NPAS2: variants seen among roughly 807,000 people sequenced by gnomAD.
The protein encoded by NPAS2 is neuronal PAS domain-containing protein 2.
NPAS2 carries 23 observed loss-of-function variants against 107.5 expected under a neutral mutation model. The observed-to-expected ratio is 0.21, with a 90% CI of 0.15 to 0.30. NPAS2 has a LOEUF of 0.30. Ranked by LOEUF, NPAS2 falls within the 10% of genes least tolerant of loss-of-function variation. The pLI is 1.00. For synonymous variants in NPAS2, 403 were observed against 417.5 expected, an observed-to-expected ratio of 0.97 and a Z score of 0.42; for missense variants, 756 against 1,043.3, an observed-to-expected ratio of 0.72 and a Z score of 3.79.
Position 100,904,797 on chromosome 2 carries a change from G to A in NPAS2, c.32+11G>A. On this transcript the variant is annotated intron_variant, in intron 2 of 20. Coordinates refer to ENST00000335681, the MANE Select transcript of NPAS2 (RefSeq NM_002518.4). ...AGACAGAGCCAAGAGGTAAGATGCAGCTGTCCCCCTGCTCAGCAGAGCTCT... is the reference window on the plus strand; with the variant it reads ...AGACAGAGCCAAGAGGTAAGATGCAACTGTCCCCCTGCTCAGCAGAGCTCT... 6.3e-7 allele frequency: 1 copy of A among 1,599,430 alleles called. No individual in the cohort carries two copies. Among genetic ancestry groups the A allele is most frequent in the South Asian group, 1.1e-5 (1 of 89,460 alleles).
intron 7 of NPAS2, among the ~76,000 whole-genome samples, chr2:100,953,468 T>G (rs1337924197): frequency 2.0e-5 from 3 of 150,884 alleles, no homozygotes; most frequent in Non-Finnish European, 4.4e-5. Context: ...AGAACTCAAA[T>G]TTGACTTCAT....
chr2:100,864,568 G>C (rs1679141831), intron 1 of NPAS2, among the ~76,000 whole-genome samples: 1 of 152,160 alleles, frequency 6.6e-6, no homozygotes, highest in South Asian at 2.1e-4. Context: ...AGGCACCAAG[G>C]AACATGGCAT....
At chr2:100,967,063 A>T (rs995122904) in intron 10 of NPAS2, among the ~76,000 whole-genome samples, 15 of 143,886 alleles carry the variant, frequency 1.0e-4, no homozygotes, top group African/African-American at 3.4e-4. Flanking sequence ...CACTTGTAGA[A>T]TCAGGCCTAC....
chr2:100,947,235 A>G (rs1365425735), intron 5 of NPAS2, among the ~76,000 whole-genome samples: 2 of 152,206 alleles, frequency 1.3e-5, no homozygotes, highest in Non-Finnish European at 2.9e-5. Flanking sequence ...CACTAGCTAC[A>G]TGTGGCTGTT....
At chr2:100,900,101 A>G (rs574883959) in intron 1 of NPAS2, among the ~76,000 whole-genome samples, 1 of 152,354 alleles carries the variant, frequency 6.6e-6, no homozygotes, top group East Asian at 1.9e-4. Flanking sequence ...TTGATAAATT[A>G]GACTTTATCA....
At chr2:100,973,675 C>T (rs561391596) in intron 12 of NPAS2, among the ~76,000 whole-genome samples, 118 of 152,298 alleles carry the variant, frequency 7.7e-4, no homozygotes, top group African/African-American at 2.7e-3. Flanking sequence ...CGCAGACGCA[C>T]GCATGGGATT....
chr2:100,849,735 G>A (rs1296591087), intron 1 of NPAS2, among the ~76,000 whole-genome samples: 2 of 152,136 alleles, frequency 1.3e-5, no homozygotes, highest in Admixed American at 6.6e-5. Context: ...GCTAGAGTCT[G>A]TAACAAAGAG....
intron 2 of NPAS2, among the ~76,000 whole-genome samples, chr2:100,908,678 T>G (rs1436806167): frequency 2.0e-5 from 3 of 152,230 alleles, no homozygotes; most frequent in Non-Finnish European, 4.4e-5. Flanking sequence ...ACCTGTTGGC[T>G]AAGAAGAAAC....
At chr2:100,990,224 G>C in intron 17 of NPAS2, 32 bp from the exon 18 acceptor site, 1 of 1,608,734 alleles carries the variant, frequency 6.2e-7, no homozygotes, top group Non-Finnish European at 8.5e-7. Context: ...TTGAGTCCAA[G>C]TCTTACCTTT....
At chr2:100,993,554 C>T (rs1435502309) in intron 20 of NPAS2, 27 bp downstream of exon 20, 19 of 1,485,640 alleles carry the variant, frequency 1.3e-5, no homozygotes, top group Admixed American at 4.9e-5. Flanking sequence ...AGGGGGCCCC[C>T]GTGCAGGCCT....
At chr2:100,827,891 T>C (rs1298499623) in intron 1 of NPAS2, among the ~76,000 whole-genome samples, 2 of 152,188 alleles carry the variant, frequency 1.3e-5, no homozygotes, top group African/African-American at 4.8e-5. Context: ...ATATATCTTT[T>C]TGGTAAAATG....
chr2:100,934,494 C>T (rs777013299), intron 4 of NPAS2, among the ~76,000 whole-genome samples: 4 of 152,156 alleles, frequency 2.6e-5, no homozygotes, highest in Admixed American at 1.3e-4. Flanking sequence ...CCCTTGCTCC[C>T]GGTGTAGACT....
At chr2:100,912,258 T>TTATTA (rs1553454263) in intron 2 of NPAS2, among the ~76,000 whole-genome samples, 27 of 84,172 alleles carry the variant, frequency 3.2e-4, no homozygotes, top group Middle Eastern at 6.0e-3. Flanking sequence ...ATTTATTTAT[T>TTATTA]ATTATTATTT....
At chr2:100,903,904 C>T (rs1236096911) in intron 1 of NPAS2, among the ~76,000 whole-genome samples, 2 of 152,036 alleles carry the variant, frequency 1.3e-5, no homozygotes, top group Non-Finnish European at 2.9e-5. Context: ...GGAACCCAGG[C>T]CTGCGTGTGG....
intron 1 of NPAS2, among the ~76,000 whole-genome samples, chr2:100,851,529 G>A (rs921650001): frequency 6.6e-6 from 1 of 152,218 alleles, no homozygotes; most frequent in Non-Finnish European, 1.5e-5. Flanking sequence ...CGTTGTTCAT[G>A]TTAGCAAAAA....
intron 7 of NPAS2, among the ~76,000 whole-genome samples, chr2:100,953,391 C>A (rs6705466): frequency 0.33 from 45,506 of 139,088 alleles, 7,610 homozygotes; most frequent in Middle Eastern, 0.5. Flanking sequence ...AAAAAAAAAA[C>A]AAAAAAAACA....
intron 1 of NPAS2, among the ~76,000 whole-genome samples, chr2:100,842,022 A>G (rs771391052): frequency 6.6e-6 from 1 of 151,846 alleles, no homozygotes. Context: ...ACACACATGC[A>G]TGTATGCACA....
chr2:100,970,209 T>C (rs183444757), intron 11 of NPAS2, among the ~76,000 whole-genome samples: 2 of 152,258 alleles, frequency 1.3e-5, no homozygotes, highest in African/African-American at 4.8e-5. Flanking sequence ...AAGGGCCCCC[T>C]ACCCCCAGGG....
At chr2:100,901,683 C>T (rs1433921108) in intron 1 of NPAS2, 11 of 306,138 alleles carry the variant, frequency 3.6e-5, no homozygotes, top group Non-Finnish European at 5.3e-5. Context: ...GGGACACACT[C>T]CTTCCAGGTT....
Sources: allele counts gnomAD v4.1 joint callset (sites outside exome capture counted in the v4.1 genomes callset), GRCh38; gene constraint gnomAD v4.1.1; transcripts MANE v1.5; gene names NCBI Gene and HGNC (gene_info 2026-07-23, HGNC 2026-07-21).